Variants in ADAM20 observed in about 807,000 individuals in gnomAD.
ADAM20 encodes the protein ADAM metallopeptidase domain 20.
For synonymous variants in ADAM20, 305 were observed against 310.2 expected (o/e 0.98, Z 0.18); for missense variants, 871 against 883.2 (o/e 0.99, Z 0.18).
At chr14:70,546,050 A>T in the ADAM20 span, among the ~76,000 whole-genome samples, 1 of 152,220 alleles carries the variant, frequency 6.6e-6, no homozygotes. Flanking sequence ...AATAAATGGA[A>T]TTTTGGAAAC....
At chr14:70,577,917 T>C in the ADAM20 span, among the ~76,000 whole-genome samples, 1 of 152,268 alleles carries the variant, frequency 6.6e-6, no homozygotes, top group East Asian at 1.9e-4. Context: ...GCGCTTAAAC[T>C]GGAAAACACT....
chr14:70,569,531 A>G, the ADAM20 span, among the ~76,000 whole-genome samples: 2 of 152,180 alleles, frequency 1.3e-5, no homozygotes, highest in Non-Finnish European at 2.9e-5. Flanking sequence ...TCTACCTCAC[A>G]GGGAACGGCA....
chr14:70,569,885 C>CAAAA, the ADAM20 span, among the ~76,000 whole-genome samples: 241 of 76,154 alleles, frequency 3.2e-3, no homozygotes, highest in Non-Finnish European at 4.8e-3. Flanking sequence ...AGAAAACTAA[C>CAAAA]AAAAAAAAAA....
At chr14:70,542,933 C>T in the ADAM20 span, among the ~76,000 whole-genome samples, 1 of 146,484 alleles carries the variant, frequency 6.8e-6, no homozygotes, top group Admixed American at 6.8e-5. Flanking sequence ...AGCAAGACTC[C>T]ATCTCAAAAA....
intron 1 of ADAM20, among the ~76,000 whole-genome samples, chr14:70,525,409 A>C (rs1296462913): frequency 6.6e-6 from 1 of 151,954 alleles, no homozygotes; most frequent in African/African-American, 2.4e-5. Flanking sequence ...GGGGATAGAG[A>C]TGGAGTCTCA....
At chr14:70,554,488 G>A in the ADAM20 span, among the ~76,000 whole-genome samples, 2 of 152,082 alleles carry the variant, frequency 1.3e-5, no homozygotes, top group African/African-American at 4.8e-5. Flanking sequence ...CAATCTAAAT[G>A]TCTGTCGACA....
At chr14:70,538,684 C>T (rs1055298573), upstream of ADAM20, among the ~76,000 whole-genome samples, 1 of 152,226 alleles carries the variant, frequency 6.6e-6, no homozygotes, top group Non-Finnish European at 1.5e-5. Context: ...CAGGAAAAAT[C>T]TGTTTTCCTC....
In ADAM20 at chr14:70,523,089, G is replaced by A; in HGVS notation, c.1669C>T (p.Pro557Ser). ...TGAACCCTCCCACACATGATATCAGGGGTCCAACATTTTACATATGTTGTG... is the reference window on the plus strand; with the variant it reads ...TGAACCCTCCCACACATGATATCAGAGGTCCAACATTTTACATATGTTGTG... ...VGTTYVKCWT[P>S]DIMCGRVQCE... The change falls in exon 2 of 2, where the codon CCT (proline) becomes TCT (serine). Residue 557 changes from proline (P) to serine (S), a missense_variant. Transcript: ENST00000256389. 6.2e-7 allele frequency: 1 copy of A among 1,613,816 alleles called. No individual in the cohort carries two copies. Among genetic ancestry groups the A allele is most frequent in the Admixed American group, 1.7e-5 (1 of 59,948 alleles).
chr14:70,564,772 C>T, the ADAM20 span, among the ~76,000 whole-genome samples: 3 of 125,384 alleles, frequency 2.4e-5, no homozygotes, highest in Non-Finnish European at 3.2e-5. Context: ...TTTAGCCAGG[C>T]ACAGTGGCTC....
chr14:70,569,408 G>A, the ADAM20 span, among the ~76,000 whole-genome samples: 33 of 152,058 alleles, frequency 2.2e-4, no homozygotes, highest in African/African-American at 8.0e-4. Flanking sequence ...TGACAGAAAT[G>A]AAACCTCACA....
At chr14:70,540,660 A>T in the ADAM20 span, among the ~76,000 whole-genome samples, 4 of 152,234 alleles carry the variant, frequency 2.6e-5, no homozygotes, top group Non-Finnish European at 4.4e-5. Flanking sequence ...AGATAGCTAC[A>T]TCTTGAACTA....
chr14:70,558,580 A>G, the ADAM20 span, among the ~76,000 whole-genome samples: 698 of 152,270 alleles, frequency 4.6e-3, 5 homozygotes, highest in Middle Eastern at 0.027. Flanking sequence ...GGAGAAACAG[A>G]TAAGAGTACA....
chr14:70,568,826 A>C, the ADAM20 span, among the ~76,000 whole-genome samples: 1 of 152,142 alleles, frequency 6.6e-6, no homozygotes, highest in South Asian at 2.1e-4. Context: ...AAGCAAAAAA[A>C]AGAACAAAGC....
chr14:70,530,101 T>C (rs1331975972), intron 1 of ADAM20, among the ~76,000 whole-genome samples: 1 of 152,206 alleles, frequency 6.6e-6, no homozygotes, highest in Non-Finnish European at 1.5e-5. Context: ...GACAAGATGG[T>C]GAAATCCTAT....
Position 70,524,435 on chromosome 14 carries a change from T to G in ADAM20, c.323A>C (p.Asp108Ala). Residue 108 changes from aspartate to alanine, a missense_variant, in exon 2 of 2, where the codon GAC (aspartate) becomes GCC (alanine). Coordinates refer to ENST00000256389, the MANE Select transcript of ADAM20 (RefSeq NM_003814.5). ...LLQDQPFIQD[D>A]CYYHGYVEGV... The stretch of plus-strand genomic sequence containing the variant: ...CTCCACATAACCATGGTAGTAGCAG[T>G]CATCCTGGATGAAGGGCTGATCCTG... 6.2e-7 allele frequency: 1 copy of G among 1,614,004 alleles called. No individual in the cohort carries two copies.
At chr14:70,536,089 GT>G (rs1391292668), upstream of ADAM20, among the ~76,000 whole-genome samples, 3 of 152,152 alleles carry the variant, frequency 2.0e-5, no homozygotes, top group African/African-American at 7.2e-5. Flanking sequence ...TTGCAGCACA[GT>G]TATGAAGTTC....
At chr14:70,558,082 T>C in the ADAM20 span, among the ~76,000 whole-genome samples, 7 of 152,314 alleles carry the variant, frequency 4.6e-5, no homozygotes, top group African/African-American at 1.7e-4. Context: ...TAACCAGATA[T>C]AAGGTAACAA....
At chr14:70,525,397 G>C (rs1208053176) in intron 1 of ADAM20, among the ~76,000 whole-genome samples, 1 of 151,568 alleles carries the variant, frequency 6.6e-6, no homozygotes, top group African/African-American at 2.4e-5. Flanking sequence ...GATTTTTTTT[G>C]GGGGGATAGA....
chr14:70,557,616 G>C, the ADAM20 span: 1 of 152,228 alleles, frequency 6.6e-6, no homozygotes, highest in Admixed American at 6.5e-5. Flanking sequence ...AACATTTTTG[G>C]AAAGAGAAGA....
Sources: gnomAD v4.1 joint callset for allele counts (sites outside exome capture counted in the v4.1 genomes callset) on GRCh38, gnomAD v4.1.1 for gene constraint, MANE v1.5 for transcripts, NCBI Gene and HGNC (gene_info 2026-07-23, HGNC 2026-07-21) for gene names.